Variants in CTNNA3 observed in about 807,000 individuals in gnomAD.
CTNNA3 encodes the protein catenin alpha-3.
In CTNNA3, 76 loss-of-function variants were observed where a neutral mutation model predicts 95.7. The observed-to-expected ratio is 0.79, with a 90% CI of 0.66 to 0.96. CTNNA3 has a LOEUF of 0.96. CTNNA3 is among the 40% of genes least tolerant of loss of function. CTNNA3 has a pLI of 0.00. For missense variants in CTNNA3, 1,191 were observed against 1,089.8 expected, an observed-to-expected ratio of 1.09 and a Z score of -1.31; for synonymous variants, 431 against 374.4, an observed-to-expected ratio of 1.15 and a Z score of -1.74.
At chr10:66,933,159 A>G (rs1397494567) in intron 7 of CTNNA3, among the ~76,000 whole-genome samples, 1 of 152,236 alleles carries the variant, frequency 6.6e-6, no homozygotes, top group East Asian at 1.9e-4. Flanking sequence ...GCATGAGCCA[A>G]AAAGAAATCA....
intron 11 of CTNNA3, among the ~76,000 whole-genome samples, chr10:66,470,287 G>A (rs1310270179): frequency 1.3e-4 from 20 of 151,822 alleles, no homozygotes; most frequent in East Asian, 5.8e-4. Context: ...AAAGGGGAAC[G>A]CACGAACAGG....
chr10:67,297,794 A>G (rs557030834), intron 5 of CTNNA3, among the ~76,000 whole-genome samples: 3 of 152,210 alleles, frequency 2.0e-5, no homozygotes, highest in African/African-American at 7.2e-5. Context: ...CACCTTGTTC[A>G]TTATGGACAG....
chr10:67,255,683 A>C (rs929465348), intron 5 of CTNNA3, among the ~76,000 whole-genome samples: 8 of 152,222 alleles, frequency 5.3e-5, no homozygotes, highest in African/African-American at 1.9e-4. Context: ...TTTAATCCAA[A>C]GTATTTTAGC....
Position 67,309,454 on chromosome 10 carries a change from G to A in CTNNA3, c.580-89584C>T, listed in dbSNP as rs2132521110. 2.0e-5 allele frequency among the ~76,000 whole-genome samples: 3 copies of A among 152,214 alleles called. 1 individual carries two copies. In the South Asian group the frequency reaches 6.2e-4, roughly 32 times the overall value. On this transcript the variant is annotated intron_variant, in intron 5 of 17. Coordinates refer to ENST00000433211, the MANE Select transcript of CTNNA3 (RefSeq NM_013266.4). ...GATTGTAAGATAAAAGAGAATTAAG[G>A]AGAAAAAATGATGTGGACATGGATG...
At chr10:66,748,240 T>A (rs1304909070) in intron 9 of CTNNA3, among the ~76,000 whole-genome samples, 1 of 152,182 alleles carries the variant, frequency 6.6e-6, no homozygotes, top group African/African-American at 2.4e-5. Context: ...GTGAGATCCA[T>A]TTGTGTGTCT....
At chr10:66,339,104 T>C (rs1054819595) in intron 12 of CTNNA3, among the ~76,000 whole-genome samples, 1 of 151,810 alleles carries the variant, frequency 6.6e-6, no homozygotes, top group African/African-American at 2.4e-5. Context: ...AATCTATGTA[T>C]TTTTTGTTGA....
At chr10:66,037,782 C>T (rs993656958) in intron 15 of CTNNA3, among the ~76,000 whole-genome samples, 1 of 152,200 alleles carries the variant, frequency 6.6e-6, no homozygotes, top group Non-Finnish European at 1.5e-5. Flanking sequence ...TATCATCAAC[C>T]TCTCCCGTGT....
intron 17 of CTNNA3, among the ~76,000 whole-genome samples, chr10:65,946,554 A>G (rs755916613): frequency 6.6e-6 from 1 of 152,176 alleles, no homozygotes; most frequent in Non-Finnish European, 1.5e-5. Flanking sequence ...ATTATTAAAA[A>G]CATCACCTTG....
intron 11 of CTNNA3, among the ~76,000 whole-genome samples, chr10:66,454,034 G>A (rs1406810242): frequency 6.7e-6 from 1 of 148,354 alleles, no homozygotes; most frequent in Admixed American, 6.8e-5. Flanking sequence ...GAGAGAGGCA[G>A]AAGAGTAGGT....
At chr10:67,312,507 G>A (rs1589154113) in intron 5 of CTNNA3, among the ~76,000 whole-genome samples, 1 of 152,278 alleles carries the variant, frequency 6.6e-6, no homozygotes, top group Middle Eastern at 3.4e-3. Flanking sequence ...ACAGAGGGAG[G>A]AAAATAAGCC....
At chr10:67,318,435 G>C (rs1219463522) in intron 5 of CTNNA3, among the ~76,000 whole-genome samples, 1 of 152,228 alleles carries the variant, frequency 6.6e-6, no homozygotes, top group African/African-American at 2.4e-5. Context: ...GTGGATGTTG[G>C]GGGCTCACAG....
chr10:66,885,272 T>C lies in CTNNA3; in HGVS notation c.1048-109748A>G, dbSNP rs560806151. Among the ~76,000 whole-genome samples the C allele has an allele frequency of 8.5e-5, 13 of 152,296 alleles. No individual in the cohort carries two copies. In the East Asian group the frequency reaches 1.2e-3, roughly 14 times the overall value. On this transcript the variant is annotated intron_variant, in intron 7 of 17. Transcript: ENST00000433211. ...ATTCAGCAGGACTTTTAAAGTCCTT[T>C]TGCTATTTTACATAGTTCAATAAGG...
intron 13 of CTNNA3, among the ~76,000 whole-genome samples, chr10:66,150,703 C>T (rs1184277709): frequency 6.6e-6 from 1 of 151,850 alleles, no homozygotes. Flanking sequence ...TATAGTTACC[C>T]TATAATGCTA....
At chr10:67,515,890 C>G (rs1419925973) in intron 5 of CTNNA3, among the ~76,000 whole-genome samples, 1 of 152,208 alleles carries the variant, frequency 6.6e-6, no homozygotes, top group Non-Finnish European at 1.5e-5. Flanking sequence ...TTCAGTCCAG[C>G]TCCCACTTAC....
At chr10:65,993,971 C>T (rs749929755) in intron 15 of CTNNA3, among the ~76,000 whole-genome samples, 9 of 152,094 alleles carry the variant, frequency 5.9e-5, no homozygotes, top group Admixed American at 5.2e-4. Context: ...CCTGACCTCG[C>T]GATCTGCCCA....
At chr10:66,052,127 AGT>A (rs1014829749) in intron 15 of CTNNA3, among the ~76,000 whole-genome samples, 3 of 152,172 alleles carry the variant, frequency 2.0e-5, no homozygotes, top group Non-Finnish European at 2.9e-5. Flanking sequence ...CCATGGAGAA[AGT>A]ATACTAAAGG....
intron 7 of CTNNA3, among the ~76,000 whole-genome samples, chr10:67,127,353 C>T (rs17282539): frequency 0.046 from 6,989 of 152,160 alleles, 226 homozygotes; most frequent in Non-Finnish European, 0.072. Context: ...AAAAGGAGTT[C>T]CAAAGTTTGT....
intron 7 of CTNNA3, among the ~76,000 whole-genome samples, chr10:67,028,646 C>CT (rs1274989257): frequency 3.2e-4 from 13 of 40,868 alleles, no homozygotes; most frequent in Non-Finnish European, 6.3e-4. Flanking sequence ...GCTAGTTCTA[C>CT]TTAAAAAAAA....
rs184940871 is a variant in CTNNA3, at chr10:67,092,108, T to C, written c.1047+88209A>G. Among the ~76,000 whole-genome samples, 346 of 152,074 alleles carry C rather than the reference T, an allele frequency of 2.3e-3. 1 individual carries two copies. The highest frequency in any genetic ancestry group is 6.8e-3 in the Middle Eastern group (2 of 292). On this transcript the variant is annotated intron_variant, in intron 7 of 17. Transcript: ENST00000433211. ...GTGACAAGGACTACATCTAAAAAAC[T>C]GAATTTCTTCATTAAGAAGTCTGTT... is the stretch of plus-strand genomic sequence containing the variant.
Sources: allele counts gnomAD v4.1 joint callset (sites outside exome capture counted in the v4.1 genomes callset), GRCh38; gene constraint gnomAD v4.1.1; transcripts MANE v1.5; gene names NCBI Gene and HGNC (gene_info 2026-07-23, HGNC 2026-07-21).